SEPTIN3: variants seen among roughly 807,000 people sequenced by gnomAD.
The protein encoded by SEPTIN3 is septin 3.
In SEPTIN3, 15 loss-of-function variants were observed where a neutral mutation model predicts 45.1. That is an observed-to-expected ratio of 0.33 (90% CI 0.22 to 0.51). The LOEUF (loss-of-function observed/expected upper bound fraction) is 0.51. SEPTIN3 is among the 20% of genes least tolerant of loss of function. The pLI, the probability that SEPTIN3 is intolerant of heterozygous loss-of-function variation, is 0.97. For synonymous variants in SEPTIN3, 148 were observed against 164.8 expected (o/e 0.90, Z 0.78); for missense variants, 289 against 457.2 (o/e 0.63, Z 3.35).
At chr22:41,970,337 C>G (rs1471239487) in intron 1 of SEPTIN3, among the ~76,000 whole-genome samples, 1 of 152,130 alleles carries the variant, frequency 6.6e-6, no homozygotes, top group Non-Finnish European at 1.5e-5. Flanking sequence ...TGCCCACTCC[C>G]TACCCTGGGC....
rs2078380906 is a variant in SEPTIN3 at position 41,994,231 on chromosome 22, G to C, written c.2360-59G>C. On this transcript the variant is annotated intron_variant, in intron 9 of 11. Transcript: ENST00000644076. The surrounding 1 kb of genome is among the most constrained non-coding windows in gnomAD (Gnocchi z 4.2). ...TGACCCAAACAGAAGCTCACCTCCT[G>C]GGTGTTGCTGTATTAATGAACTGAC... The C allele has an allele frequency of 6.5e-7, 1 of 1,535,668 alleles. No individual in the cohort carries two copies.
At position 41,991,599 on chromosome 22, in the gene SEPTIN3, C is replaced by T; in HGVS notation, c.2190C>T (p.Gly730=). The change falls in exon 8 of 12, where the codon GGC becomes GGT. Residue 730 remains glycine, a synonymous_variant. Coordinates refer to ENST00000644076, the MANE Select transcript of SEPTIN3 (RefSeq NM_001363845.2). ...QRVRKELEVN[G]IEFYPQKEFD... ...TTCGCAAGGAGCTTGAAGTAAATGG[C>T]ATTGAATTCTACCCCCAGAAGGAAT... The T allele has an allele frequency of 6.2e-7, 1 of 1,613,794 alleles. No homozygotes were observed. The highest frequency in any genetic ancestry group is 8.5e-7 in the Non-Finnish European group (1 of 1,179,664).
intron 1 of SEPTIN3, among the ~76,000 whole-genome samples, chr22:41,969,927 G>T (rs1490007915): frequency 2.0e-5 from 3 of 152,080 alleles, no homozygotes; most frequent in Non-Finnish European, 2.9e-5. Flanking sequence ...GTGCAGGAGG[G>T]GGCAGAAGTT....
chr22:41,995,426 C>G, intron 11 of SEPTIN3: 1 of 985,654 alleles, frequency 1.0e-6, no homozygotes, highest in Non-Finnish European at 1.2e-6. Context: ...TCACCAGAGC[C>G]TACTGCTGCT....
chr22:41,990,270 A>G (rs1380748674), intron 7 of SEPTIN3, among the ~76,000 whole-genome samples: 1 of 151,054 alleles, frequency 6.6e-6, no homozygotes, highest in Non-Finnish European at 1.5e-5. Flanking sequence ...GGTCTCGGCT[A>G]GTCTTGATCT....
chr22:41,973,991 T>G (rs1249766762), intron 2 of SEPTIN3, among the ~76,000 whole-genome samples: 2 of 149,922 alleles, frequency 1.3e-5, no homozygotes, highest in African/African-American at 4.9e-5. Flanking sequence ...AAAAATAAAA[T>G]AAGATAAAAT....
intron 2 of SEPTIN3, among the ~76,000 whole-genome samples, chr22:41,977,801 G>A (rs527417165): frequency 6.6e-6 from 1 of 152,314 alleles, no homozygotes; most frequent in South Asian, 2.1e-4. Context: ...GCCAGACAAA[G>A]CCAAAGCCAT....
intron 7 of SEPTIN3, 38 bp downstream of exon 7, chr22:41,989,722 C>T: frequency 1.5e-6 from 2 of 1,344,326 alleles, no homozygotes; most frequent in Non-Finnish European, 2.1e-6. Context: ...TGTTCCCATC[C>T]CCTCCTTTCT....
chr22:41,985,951 G>C, intron 3 of SEPTIN3, 33 bp from the exon 4 acceptor site: 2 of 1,576,608 alleles, frequency 1.3e-6, no homozygotes, highest in Non-Finnish European at 1.7e-6. Context: ...TGGATGCAGA[G>C]TCTCCCTACC....
rs2078378007 is a variant in SEPTIN3 at position 41,994,160 on chromosome 22, G to C, written c.2360-130G>C. On this transcript the variant is annotated intron_variant, in intron 9 of 11. Transcript: ENST00000644076. The surrounding 1 kb of genome is among the most constrained non-coding windows in gnomAD (Gnocchi z 4.2). The stretch of plus-strand genomic sequence containing the variant: ...CCCAAGTGAGCAAATCTCTGGAAGG[G>C]TTACAAAAAATGACCTGTCCCATAG... 2 of 744,418 alleles carry C rather than the reference G, an allele frequency of 2.7e-6. No individual in the cohort carries two copies. The highest frequency in any genetic ancestry group is 3.5e-5 in the African/African-American group (2 of 57,892). 46.1% of individuals were successfully genotyped at this position (744,418 alleles called of 1,614,324 possible). A position where few individuals can be genotyped will look rare whatever the true frequency, so the allele number is the denominator to read the frequency against.
At position 41,976,921 on chromosome 22, in the gene SEPTIN3, C is replaced by A; in HGVS notation, c.1504+3925C>A. ...GCGCAGGGGCGGCGCGGCGGGGCCG[C>A]GGGCCGGGCGGGTGGGAGGAGAGCG... On this transcript the variant is annotated intron_variant, in intron 2 of 11. Transcript: ENST00000644076. The surrounding 1 kb of genome is among the most constrained non-coding windows in gnomAD (Gnocchi z 5.8). 1 of 439,900 alleles carries A rather than the reference C, an allele frequency of 2.3e-6. No individual in the cohort carries two copies. Among genetic ancestry groups the A allele is most frequent in the Non-Finnish European group, 3.2e-6 (1 of 313,162 alleles). 27.2% of individuals were successfully genotyped at this position (439,900 alleles called of 1,614,324 possible).
At chr22:41,993,989 C>T (rs2078373022) in intron 9 of SEPTIN3, among the ~76,000 whole-genome samples, 1 of 152,196 alleles carries the variant, frequency 6.6e-6, no homozygotes, top group South Asian at 2.1e-4. Flanking sequence ...TAGGCCTTGG[C>T]CAGTTTCTCA....
At chr22:41,996,182 A>T in intron 11 of SEPTIN3, 1 of 985,328 alleles carries the variant, frequency 1.0e-6, no homozygotes, top group Non-Finnish European at 1.2e-6. Flanking sequence ...CCACCGTCAT[A>T]CATTTAGGCT....
At position 41,969,688 on chromosome 22, in the gene SEPTIN3, A is replaced by AG. The variant is rs1172177840; in HGVS notation, c.-20+17dup. 2.3e-5 allele frequency: 1 copy of AG among 42,672 alleles called. No individual in the cohort carries two copies. The highest frequency in any genetic ancestry group is 4.6e-5 in the Non-Finnish European group (1 of 21,890). The allele number at this position is 42,672 out of a possible 1,614,324, so 2.6% of individuals were successfully genotyped here. A position where few individuals can be genotyped will look rare whatever the true frequency, so the allele number is the denominator to read the frequency against. On this transcript the variant is annotated intron_variant, in intron 1 of 11. Transcript: ENST00000644076. The stretch of plus-strand genomic sequence containing the variant: ...TGTCCTCTGATCAAGGTAGGTGTGT[A>AG]GGGGGGTGGAAGGGTGTGGGGGTTT...
rs1280212385 is a variant in SEPTIN3, at chr22:41,971,592, A to C, written c.100A>C (p.Ile34Leu). ...FSHSHVLGRPIRPSRLPGGGS... is the reference protein window; with the variant it reads ...FSHSHVLGRPLRPSRLPGGGS... ...CCATAGCCATGTGCTGGGGCGCCCT[A>C]TCCGCCCCTCGAGACTCCCTGGAGG... The change falls in exon 2 of 12, where the codon ATC becomes CTC. Residue 34 changes from isoleucine (I) to leucine (L), a missense_variant. Physicochemically the swap from Ile to Leu is conservative, Grantham distance 5. This residue lies in a region of SEPTIN3 where 200 missense variants were observed against 315.1 expected (regional missense o/e 0.63). Coordinates refer to ENST00000644076, the MANE Select transcript of SEPTIN3 (RefSeq NM_001363845.2). The C allele has an allele frequency of 7.5e-6, 3 of 398,782 alleles. No homozygotes were observed. The East Asian group carries it at 1.1e-4, about 14-fold the overall frequency. The allele number at this position is 398,782 out of a possible 1,614,324, so 24.7% of individuals were successfully genotyped here.
rs537431336 is a variant in SEPTIN3, at chr22:41,989,571, C to T, written c.2050C>T (p.Arg684Ter). The T allele has an allele frequency of 9.3e-6, 15 of 1,611,948 alleles. No homozygotes were observed. Among genetic ancestry groups the T allele is most frequent in the South Asian group, 2.2e-5 (2 of 90,970 alleles). The change falls in exon 7 of 12, where the codon CGA becomes TGA. Residue 684 changes from arginine (R) to a stop codon, truncating the protein, a stop_gained. Coordinates refer to ENST00000644076, the MANE Select transcript of SEPTIN3 (RefSeq NM_001363845.2). LOFTEE classifies it high-confidence loss of function. The part of the protein sequence containing the change: ...YFISPTGHSL[R>*]PLDLEFMKHL... ...TCTGCCTTTTCTGTGCCCCAGCTTG[C>T]GACCTCTGGATCTTGAGTTCATGAA...
At chr22:41,975,334 T>A (rs1336687239) in intron 2 of SEPTIN3, among the ~76,000 whole-genome samples, 1 of 152,174 alleles carries the variant, frequency 6.6e-6, no homozygotes, top group Non-Finnish European at 1.5e-5. Context: ...AGTTTTTGGG[T>A]CTGGAAAGGT....
chr22:41,993,136 C>T lies in SEPTIN3; in HGVS notation c.2359+373C>T, dbSNP rs1239434122. Among the ~76,000 whole-genome samples the T allele has an allele frequency of 3.9e-5, 6 of 152,220 alleles. No individual in the cohort carries two copies. The South Asian group carries it at 6.2e-4, about 16-fold the overall frequency. ...TATTATGAATGGATGTGACCCTGGG[C>T]GGGTCTTGATGATTCTGAAAGTGGT... On this transcript the variant is annotated intron_variant, in intron 9 of 11. Coordinates refer to ENST00000644076, the MANE Select transcript of SEPTIN3 (RefSeq NM_001363845.2).
intron 2 of SEPTIN3, among the ~76,000 whole-genome samples, chr22:41,980,698 G>A (rs906735110): frequency 3.3e-5 from 5 of 152,162 alleles, no homozygotes; most frequent in African/African-American, 1.2e-4. Flanking sequence ...TTTCTCCTGT[G>A]TATGAACACA....
Sources: allele counts gnomAD v4.1 joint callset (sites outside exome capture counted in the v4.1 genomes callset), GRCh38; gene constraint gnomAD v4.1.1; regional missense constraint gnomAD v4.1.1; non-coding constraint Gnocchi (gnomAD v3.1); transcripts MANE v1.5; gene names NCBI Gene and HGNC (gene_info 2026-07-23, HGNC 2026-07-21).